DDRGK1: variants seen among roughly 807,000 people sequenced by gnomAD.
DDRGK1 encodes DDRGK domain-containing protein 1.
Under a neutral mutation model 45.8 loss-of-function variants are expected in DDRGK1, and 38 were observed. The ratio of observed to expected loss-of-function variants is 0.83; its 90% confidence interval spans 0.64 to 1.09. DDRGK1 has a LOEUF of 1.09. Ranked by LOEUF, DDRGK1 falls within the 50% of genes least tolerant of loss-of-function variation. DDRGK1 has a pLI of 0.00. For missense variants in DDRGK1, 403 were observed against 419.9 expected, an observed-to-expected ratio of 0.96 and a Z score of 0.35; for synonymous variants, 171 against 168.7, an observed-to-expected ratio of 1.01 and a Z score of -0.11.
intron 2 of DDRGK1, 30 bp downstream of exon 2, chr20:3,203,183 C>T: frequency 5.9e-6 from 9 of 1,515,018 alleles, no homozygotes; most frequent in Non-Finnish European, 8.0e-6. Context: ...CAACCCAAAC[C>T]CTCTCCCCAC....
At chr20:3,194,324 C>G (rs1600471767) in intron 6 of DDRGK1, among the ~76,000 whole-genome samples, 1 of 152,224 alleles carries the variant, frequency 6.6e-6, no homozygotes, top group South Asian at 2.1e-4. Flanking sequence ...TGTGCTTATG[C>G]AACCTGGAGC....
intron 4 of DDRGK1, among the ~76,000 whole-genome samples, chr20:3,195,948 C>T (rs1031309497): frequency 1.3e-5 from 2 of 152,108 alleles, no homozygotes; most frequent in Admixed American, 6.6e-5. Context: ...CCTGGATTTC[C>T]TCCTGCTCCT....
In DDRGK1 at chr20:3,190,832, G is replaced by A; in HGVS notation, c.779-13C>T. 6.2e-7 allele frequency: 1 copy of A among 1,605,738 alleles called. No individual in the cohort carries two copies. Among genetic ancestry groups the A allele is most frequent in the Non-Finnish European group, 8.5e-7 (1 of 1,175,574 alleles). ...TCGTCAATCACACCTGTGGGGACATGCAGGTTGTGGGGCTGAGGCCTCCTG... is the reference window on the plus strand; with the variant it reads ...TCGTCAATCACACCTGTGGGGACATACAGGTTGTGGGGCTGAGGCCTCCTG... On this transcript the variant is annotated splice_polypyrimidine_tract_variant and intron_variant, in intron 8 of 8. Transcript: ENST00000354488.
intron 6 of DDRGK1, among the ~76,000 whole-genome samples, chr20:3,194,053 G>C (rs569628441): frequency 2.0e-5 from 3 of 152,276 alleles, no homozygotes; most frequent in African/African-American, 7.2e-5. Context: ...CCCCACTTAA[G>C]AACCCCAGAC....
intron 4 of DDRGK1, among the ~76,000 whole-genome samples, chr20:3,198,960 G>A (rs1477442069): frequency 7.5e-5 from 10 of 132,742 alleles, no homozygotes; most frequent in Admixed American, 7.0e-4. Context: ...TGGGAAACAC[G>A]GTGAAACCCA....
chr20:3,195,170 C>T (rs1188088776), intron 5 of DDRGK1, 61 bp downstream of exon 5: 8 of 1,609,756 alleles, frequency 5.0e-6, no homozygotes, highest in South Asian at 2.2e-5. Flanking sequence ...GCTAGCCTTG[C>T]GTCTGGCACA....
intron 5 of DDRGK1, 37 bp downstream of exon 5, chr20:3,195,194 G>A (rs1434219749): frequency 5.6e-6 from 9 of 1,613,586 alleles, no homozygotes; most frequent in Non-Finnish European, 7.6e-6. Context: ...TGCACTGATG[G>A]GTGCAGAGAG....
At chr20:3,195,120 C>T in intron 5 of DDRGK1, 111 bp downstream of exon 5, 1 of 1,562,172 alleles carries the variant, frequency 6.4e-7, no homozygotes, top group African/African-American at 1.4e-5. Flanking sequence ...GATGCCCACC[C>T]ACCTCTCACT....
At chr20:3,198,073 T>A (rs1483920007) in intron 4 of DDRGK1, among the ~76,000 whole-genome samples, 1 of 120,922 alleles carries the variant, frequency 8.3e-6, no homozygotes, top group East Asian at 2.6e-4. Flanking sequence ...CACTCCAGCC[T>A]GGGTGAGAGT....
In DDRGK1 at chr20:3,204,634, G is replaced by GGCCT. The variant is rs1568502628; in HGVS notation, c.-11_-8dup. ...ACCACACAGGCGCCACCATGACGAGGGCCTCAGTGCAGAACCACTGCGTCC... is the reference window on the plus strand; with the variant it reads ...ACCACACAGGCGCCACCATGACGAGGGCCTGCCTCAGTGCAGAACCACTGCGTCC... On this transcript the variant is annotated 5_prime_UTR_variant, in exon 1 of 9. Transcript: ENST00000354488. The GGCCT allele has an allele frequency of 6.3e-7, 1 of 1,575,876 alleles. No homozygotes were observed.
Position 3,200,377 on chromosome 20 carries a change from G to A in DDRGK1, c.373C>T (p.Leu125=), listed in dbSNP as rs1418671732. ...GKIGAKKLRK[L]EEKQARKAQR... ...GCCTTTCGCGCTTGTTTCTCCTCCA[G>A]CTTCCGCAGTTTCTTAGCTCCAATT... The change falls in exon 3 of 9, where the codon CTG becomes TTG. Residue 125 remains leucine, a synonymous_variant. Transcript: ENST00000354488. The A allele has an allele frequency of 3.2e-6, 5 of 1,577,596 alleles. No individual in the cohort carries two copies. In the East Asian group the frequency reaches 1.2e-4, roughly 36 times the overall value.
chr20:3,201,637 T>C (rs1286630448), intron 2 of DDRGK1, among the ~76,000 whole-genome samples: 2 of 151,676 alleles, frequency 1.3e-5, no homozygotes, highest in Non-Finnish European at 2.9e-5. Context: ...AGGGGAGGCA[T>C]TAGGAGAGAG....
rs770238423 is a variant in DDRGK1, at chr20:3,190,809, G to A, written c.789C>T (p.Asp263=). The change falls in exon 9 of 9, where the codon GAC becomes GAT. Residue 263 remains aspartate, a synonymous_variant. Transcript: ENST00000354488. ...LAEGTITGVI[D]DRGKFIYITP... The stretch of plus-strand genomic sequence containing the variant: ...TTATGTAGATGAACTTGCCCCGGTC[G>A]TCAATCACACCTGTGGGGACATGCA... 23 of 1,612,008 alleles carry A rather than the reference G, an allele frequency of 1.4e-5. No homozygotes were observed. Among genetic ancestry groups the A allele is most frequent in the East Asian group, 8.9e-5 (4 of 44,800 alleles).
intron 6 of DDRGK1, among the ~76,000 whole-genome samples, chr20:3,194,522 T>A (rs559540066): frequency 6.6e-6 from 1 of 152,178 alleles, no homozygotes; most frequent in Non-Finnish European, 1.5e-5. Flanking sequence ...AGAAAACACA[T>A]GTGAAGAGAC....
chr20:3,198,193 G>A (rs1206120099), intron 4 of DDRGK1, among the ~76,000 whole-genome samples: 1 of 150,584 alleles, frequency 6.6e-6, no homozygotes, highest in African/African-American at 2.4e-5. Flanking sequence ...GGATCACAAG[G>A]TCAAGAGATT....
rs781609753 is a variant in DDRGK1, at chr20:3,190,805, G to T, written c.793C>A (p.Arg265=). ...GGGGTTATGTAGATGAACTTGCCCC[G>T]GTCGTCAATCACACCTGTGGGGACA... The part of the protein sequence containing the change: ...EGTITGVIDD[R]GKFIYITPEE... The change falls in exon 9 of 9, where the codon CGG becomes AGG. Residue 265 remains arginine, a synonymous_variant. Transcript: ENST00000354488. 4 of 1,612,324 alleles carry T rather than the reference G, an allele frequency of 2.5e-6. No homozygotes were observed. The African/African-American group carries it at 5.3e-5, about 22-fold the overall frequency.
In DDRGK1 at chr20:3,195,187, A is replaced by G. The variant is rs749871700; in HGVS notation, c.633+44T>C. The G allele has an allele frequency of 1.9e-5, 30 of 1,613,490 alleles. No individual in the cohort carries two copies. The African/African-American group carries it at 4.0e-4, about 22-fold the overall frequency. ...TAGCCTTGCGTCTGGCACAGGCTGCACTGATGGGTGCAGAGAGGGGCTTCC... is the reference window on the plus strand; with the variant it reads ...TAGCCTTGCGTCTGGCACAGGCTGCGCTGATGGGTGCAGAGAGGGGCTTCC... On this transcript the variant is annotated intron_variant, in intron 5 of 8. Coordinates refer to ENST00000354488, the MANE Select transcript of DDRGK1 (RefSeq NM_023935.3).
intron 8 of DDRGK1, 44 bp from the exon 9 acceptor site, chr20:3,190,863 T>C: frequency 6.4e-7 from 1 of 1,571,208 alleles, no homozygotes; most frequent in Admixed American, 1.9e-5. Context: ...TCCTGGGCGT[T>C]CCCCATCTGG....
At position 3,200,331 on chromosome 20, in the gene DDRGK1, C is replaced by T. The variant is rs773857510; in HGVS notation, c.408+11G>A. On this transcript the variant is annotated intron_variant, in intron 3 of 8. Transcript: ENST00000354488. ...CACTTCCCAGAGCTGCACCCCATCCCTCCGGCTTGCCTCACGCTGGGCCTT... is the reference window on the plus strand; with the variant it reads ...CACTTCCCAGAGCTGCACCCCATCCTTCCGGCTTGCCTCACGCTGGGCCTT... 3 of 1,556,894 alleles carry T rather than the reference C, an allele frequency of 1.9e-6. No homozygotes were observed. In the Admixed American group the frequency reaches 5.8e-5, roughly 30 times the overall value.
Sources: allele counts gnomAD v4.1 joint callset (sites outside exome capture counted in the v4.1 genomes callset), GRCh38; gene constraint gnomAD v4.1.1; transcripts MANE v1.5; gene names NCBI Gene and HGNC (gene_info 2026-07-23, HGNC 2026-07-21).